F13A1: variants seen among roughly 807,000 people sequenced by gnomAD.
The protein encoded by F13A1 is coagulation factor XIII A chain, also known as FSF, A subunit.
In F13A1, 47 loss-of-function variants were observed where a neutral mutation model predicts 80.1. That is an observed-to-expected ratio of 0.59 (90% CI 0.46 to 0.75). F13A1 has a LOEUF of 0.75. Among genes scored for constraint, F13A1 ranks in the 30% least tolerant of loss-of-function variants. F13A1 has a pLI of 0.00. For synonymous variants in F13A1, 349 were observed against 344.9 expected (o/e 1.01, Z -0.13); for missense variants, 817 against 930.4 (o/e 0.88, Z 1.59).
At chr6:6,230,788 G>C (rs115163543) in intron 6 of F13A1, among the ~76,000 whole-genome samples, 3,943 of 152,274 alleles carry the variant, frequency 0.026, 176 homozygotes, top group African/African-American at 0.09. Context: ...ACAATGCCCA[G>C]TGTCACTCCA....
At position 6,162,482 on chromosome 6, in the gene F13A1, C is replaced by T. The variant is rs1444040099; in HGVS notation, c.1908+4976G>A. Among the ~76,000 whole-genome samples, 1 of 152,166 alleles carries T rather than the reference C, an allele frequency of 6.6e-6. No individual in the cohort carries two copies. The highest frequency in any genetic ancestry group is 6.5e-5 in the Admixed American group (1 of 15,286). On this transcript the variant is annotated intron_variant, in intron 13 of 14. Transcript: ENST00000264870. This position sits in a 1 kb window ranked among gnomAD's most constrained non-coding sequence, Gnocchi z 4.2. ...TGTGTGATCTCTCCTCCCTTGAATACAAAACTCTCTGCAAAGTCAATGACC... is the reference window on the plus strand; with the variant it reads ...TGTGTGATCTCTCCTCCCTTGAATATAAAACTCTCTGCAAAGTCAATGACC...
chr6:6,169,559 G>A (rs1561641849), intron 12 of F13A1: 1 of 153,520 alleles, frequency 6.5e-6, no homozygotes, highest in Non-Finnish European at 1.5e-5. Context: ...TCAATCCCTG[G>A]AAAACTAGAA....
chr6:6,238,715 C>CATATATATATATATATAT lies in F13A1; in HGVS notation c.798+9579_798+9596dup, dbSNP rs4053228. 7.1e-3 allele frequency among the ~76,000 whole-genome samples: 1,033 copies of CATATATATATATATATAT among 145,838 alleles called. 15 individuals carry two copies. Among genetic ancestry groups the CATATATATATATATATAT allele is most frequent in the African/African-American group, 0.011 (412 of 39,156 alleles). ...AATCAGTAGACTTGAAAACATGCTGCATATATATATATATATATAGCCAAT... is the reference window on the plus strand; with the variant it reads ...AATCAGTAGACTTGAAAACATGCTGCATATATATATATATATATATATATATATATATATATAGCCAAT... On this transcript the variant is annotated intron_variant, in intron 6 of 14. Coordinates refer to ENST00000264870, the MANE Select transcript of F13A1 (RefSeq NM_000129.4).
chr6:6,179,566 A>G (rs1196303721), intron 11 of F13A1, among the ~76,000 whole-genome samples: 1 of 152,150 alleles, frequency 6.6e-6, no homozygotes, highest in East Asian at 1.9e-4. Context: ...GCGGCCATCA[A>G]TCCTTCTACC....
At chr6:6,259,085 T>C (rs1757743143) in intron 4 of F13A1, among the ~76,000 whole-genome samples, 1 of 152,252 alleles carries the variant, frequency 6.6e-6, no homozygotes, top group Non-Finnish European at 1.5e-5. Flanking sequence ...GTATTGACTT[T>C]GAATTTTTCT....
chr6:6,167,989 G>A (rs1264169599), intron 12 of F13A1, among the ~76,000 whole-genome samples: 2 of 152,166 alleles, frequency 1.3e-5, no homozygotes, highest in Non-Finnish European at 2.9e-5. Flanking sequence ...GAACATGTGG[G>A]GTGCTGAAGT....
At chr6:6,213,776 G>C (rs1346731111) in intron 8 of F13A1, among the ~76,000 whole-genome samples, 1 of 149,228 alleles carries the variant, frequency 6.7e-6, no homozygotes, top group Non-Finnish European at 1.5e-5. Context: ...GCTGTATTCA[G>C]GAAACCCATC....
chr6:6,212,189 G>T (rs1340853773), intron 8 of F13A1, among the ~76,000 whole-genome samples: 1 of 152,242 alleles, frequency 6.6e-6, no homozygotes, highest in Non-Finnish European at 1.5e-5. Flanking sequence ...AGCTCAAGGA[G>T]GCCTGCCTGC....
At chr6:6,277,703 T>G (rs1758007392) in intron 3 of F13A1, among the ~76,000 whole-genome samples, 1 of 152,238 alleles carries the variant, frequency 6.6e-6, no homozygotes, top group Admixed American at 6.5e-5. Flanking sequence ...TTACCGAAGC[T>G]GCACACTACA....
intron 3 of F13A1, among the ~76,000 whole-genome samples, chr6:6,303,377 A>G (rs1346915156): frequency 6.6e-6 from 1 of 152,170 alleles, no homozygotes; most frequent in African/African-American, 2.4e-5. Flanking sequence ...TTACATATTA[A>G]TTTTGGGAGG....
intron 8 of F13A1, among the ~76,000 whole-genome samples, chr6:6,219,759 T>C (rs1164365455): frequency 2.0e-5 from 3 of 152,202 alleles, no homozygotes; most frequent in Non-Finnish European, 4.4e-5. Flanking sequence ...AAGTGTCTGC[T>C]TTTTCTTTAA....
chr6:6,194,308 A>G (rs1284419393), intron 10 of F13A1, among the ~76,000 whole-genome samples: 1 of 152,104 alleles, frequency 6.6e-6, no homozygotes, highest in Non-Finnish European at 1.5e-5. Context: ...TCCACCTTCC[A>G]ACACCCCTGA....
chr6:6,283,932 T>A (rs553394556), intron 3 of F13A1, among the ~76,000 whole-genome samples: 1 of 152,266 alleles, frequency 6.6e-6, no homozygotes. Context: ...ACCCATTGCA[T>A]AACAATGCAA....
At chr6:6,153,210 C>T (rs6914953) in intron 13 of F13A1, among the ~76,000 whole-genome samples, 31,149 of 152,084 alleles carry the variant, frequency 0.2, 3,310 homozygotes, top group Middle Eastern at 0.28. Flanking sequence ...ATTCCATGTT[C>T]CTTTAGCCAC....
At chr6:6,309,205 G>A (rs1758556634) in intron 2 of F13A1, among the ~76,000 whole-genome samples, 1 of 152,028 alleles carries the variant, frequency 6.6e-6, no homozygotes, top group Middle Eastern at 3.2e-3. Flanking sequence ...ATGTTGATTA[G>A]GCAACTGTCT....
chr6:6,200,039 G>T (rs957743207), intron 8 of F13A1, among the ~76,000 whole-genome samples: 1 of 152,224 alleles, frequency 6.6e-6, no homozygotes, highest in Admixed American at 6.5e-5. Flanking sequence ...TCTGTGTTGG[G>T]ACTGGTGGTG....
At chr6:6,155,902 T>C (rs898316459) in intron 13 of F13A1, among the ~76,000 whole-genome samples, 1 of 152,228 alleles carries the variant, frequency 6.6e-6, no homozygotes, top group African/African-American at 2.4e-5. Context: ...ATCTGCATAG[T>C]CATATTTTCA....
chr6:6,312,666 A>G (rs60892332), intron 2 of F13A1, among the ~76,000 whole-genome samples: 109,524 of 150,266 alleles, frequency 0.73, 40,299 homozygotes, highest in East Asian at 0.85. Flanking sequence ...TGACAGAGCA[A>G]GACTCCGTCT....
rs932866503 is a variant in F13A1, at chr6:6,173,489, C to T, written c.1747+1091G>A. On this transcript the variant is annotated intron_variant, in intron 12 of 14. Coordinates refer to ENST00000264870, the MANE Select transcript of F13A1 (RefSeq NM_000129.4). ...GTGGCACGATCTCAGCTCACTGCAACCTCCGCCTCCCGGGTTCGAGCAATT... is the reference window on the plus strand; with the variant it reads ...GTGGCACGATCTCAGCTCACTGCAATCTCCGCCTCCCGGGTTCGAGCAATT... Among the ~76,000 whole-genome samples, 2 of 150,504 alleles carry T rather than the reference C, an allele frequency of 1.3e-5. 1 individual carries two copies. Among genetic ancestry groups the T allele is most frequent in the Admixed American group, 1.3e-4 (2 of 15,002 alleles).
Sources: gnomAD v4.1 joint callset for allele counts (sites outside exome capture counted in the v4.1 genomes callset) on GRCh38, gnomAD v4.1.1 for gene constraint, Gnocchi (gnomAD v3.1) non-coding constraint, MANE v1.5 for transcripts, NCBI Gene and HGNC (gene_info 2026-07-23, HGNC 2026-07-21) for gene names.